Variants in PRAMEF5 observed in about 807,000 individuals in gnomAD.
PRAMEF5 encodes the protein PRAME family member 23.
A neutral mutation model predicts 16.4 loss-of-function variants in PRAMEF5; 5 were observed. The observed-to-expected ratio is 0.30, with a 90% CI of 0.16 to 0.64. The LOEUF (loss-of-function observed/expected upper bound fraction) is 0.64, where lower values mean the gene tolerates loss of function less well. Ranked by LOEUF, PRAMEF5 falls within the 30% of genes least tolerant of loss-of-function variation. The pLI is 0.80. For missense variants in PRAMEF5, 36 were observed against 282.9 expected, an observed-to-expected ratio of 0.13 and a Z score of 6.26; for synonymous variants, 19 against 107.3, an observed-to-expected ratio of 0.18 and a Z score of 5.09.
At chr1:13,263,428 A>T (rs1394918286), downstream of PRAMEF5, 44 of 500,584 alleles carry the variant, frequency 8.8e-5, no homozygotes, top group Middle Eastern at 5.4e-4. Context: ...AAATAAAGGA[A>T]AACTGAGTGG....
chr1:13,263,108 T>C (rs1447119925), exon 4 of PRAMEF5: 1 of 1,111,846 alleles, frequency 9.0e-7, no homozygotes, highest in East Asian at 3.1e-5. Context: ...AATGCTGCTG[T>C]TGAATGCCTG....
chr1:13,263,335 T>C (rs1639425301), downstream of PRAMEF5: 2 of 605,984 alleles, frequency 3.3e-6, no homozygotes, highest in Admixed American at 3.0e-5. Flanking sequence ...GAGTGGAAAA[T>C]GGGAATTTGA....
At chr1:13,263,380 A>T (rs1297195055), downstream of PRAMEF5, 1 of 635,808 alleles carries the variant, frequency 1.6e-6, no homozygotes, top group Non-Finnish European at 2.7e-6. Context: ...TACTTGAGGG[A>T]GTTACTCTTG....
In PRAMEF5 at chr1:13,259,976, G is replaced by A. The variant is rs1639367639; in HGVS notation, c.288-246G>A. 96 of 528,242 alleles carry A rather than the reference G, an allele frequency of 1.8e-4. No individual in the cohort carries two copies. In the South Asian group the frequency reaches 1.9e-3, roughly 10 times the overall value. The allele number at this position is 528,242 out of a possible 1,614,324, so 32.7% of individuals were successfully genotyped here. On this transcript the variant is annotated intron_variant, in intron 2 of 3. Coordinates refer to ENST00000622421, the Ensembl canonical transcript of PRAMEF5. ...AGGCAGGAGAATCATTTGAACCCGG[G>A]AAGCAGAGGTTGCAGTGAGGTGACA...
At chr1:13,262,327 G>C (rs1553173212) in intron 3 of PRAMEF5, 2 of 221,824 alleles carry the variant, frequency 9.0e-6, no homozygotes, top group African/African-American at 7.1e-5. Context: ...CTCCCAAAGT[G>C]CTGGGATTAC....
rs1290920212 is a variant in PRAMEF5 at position 13,255,972 on chromosome 1, G to T, written c.-23+1697G>T. 2.1e-5 allele frequency: 3 copies of T among 145,634 alleles called. No individual in the cohort carries two copies. The Admixed American group carries it at 2.1e-4, about 10-fold the overall frequency. The allele number at this position is 145,634 out of a possible 1,614,324, so 9.0% of individuals were successfully genotyped here. ...AATTTTTGTAATTTTAGTAGAGGTA[G>T]GGTTTTACCATGTTGGCCAGGCTTG... On this transcript the variant is annotated intron_variant, in intron 1 of 3. Coordinates refer to ENST00000622421, the Ensembl canonical transcript of PRAMEF5.
intron 1 of PRAMEF5, chr1:13,255,987 G>A (rs1032406707): frequency 6.9e-6 from 1 of 143,932 alleles, no homozygotes; most frequent in Non-Finnish European, 1.6e-5. Flanking sequence ...TTACCATGTT[G>A]GCCAGGCTTG....
chr1:13,260,024 G>C, intron 2 of PRAMEF5, 198 bp from the exon 3 acceptor site: 2 of 809,602 alleles, frequency 2.5e-6, no homozygotes, highest in Non-Finnish European at 3.8e-6. Flanking sequence ...ACTCCAGCCT[G>C]GGCGACAGAG....
rs1433177695 is a variant in PRAMEF5, at chr1:13,260,220, AG to A, written c.288del. ...CTCATTCTCACCTCTATTTTCCCAC[AG>A]GAGGTGGAAACTTCAAGTGCTGGAT... On this transcript the variant is annotated splice_acceptor_variant, in intron 2 of 3. Transcript: ENST00000622421. LOFTEE classifies it high-confidence loss of function. 6.3e-7 allele frequency: 1 copy of A among 1,579,670 alleles called. No individual in the cohort carries two copies. Among genetic ancestry groups the A allele is most frequent in the Admixed American group, 1.7e-5 (1 of 59,318 alleles).
exon 3 of PRAMEF5, chr1:13,260,430 T>C: frequency 7.4e-7 from 1 of 1,347,280 alleles, no homozygotes; most frequent in Non-Finnish European, 1.0e-6. Context: ...ATACCTCACC[T>C]GCCTCCTTCT....
At chr1:13,260,109 AAGTC>A in intron 2 of PRAMEF5, 109 bp from the exon 3 acceptor site, 1 of 1,532,872 alleles carries the variant, frequency 6.5e-7, no homozygotes, top group Non-Finnish European at 8.9e-7. Context: ...GGGTGAAGAA[AAGTC>A]AGAGAGAGGG....
Position 13,262,359 on chromosome 1 carries a change from G to A in PRAMEF5, c.870-191G>A. On this transcript the variant is annotated intron_variant, in intron 3 of 3. Transcript: ENST00000622421. ...TTACAGGTGTGAGTTACTGGGCCGG[G>A]CCTAAAGTGGAATTGACCTCGGTGG... 4 of 288,822 alleles carry A rather than the reference G, an allele frequency of 1.4e-5. 2 individuals are homozygous for A. The highest frequency in any genetic ancestry group is 2.5e-5 in the Non-Finnish European group (4 of 162,766). 17.9% of individuals were successfully genotyped at this position (288,822 alleles called of 1,614,324 possible).
intron 3 of PRAMEF5, 117 bp from the exon 4 acceptor site, chr1:13,262,433 A>C (rs1639404127): frequency 2.1e-6 from 1 of 478,958 alleles, no homozygotes; most frequent in Non-Finnish European, 3.0e-6. Context: ...TCAGGCCATC[A>C]GAATGACCCT....
At chr1:13,263,433 G>T (rs1341846276), downstream of PRAMEF5, 1 of 487,780 alleles carries the variant, frequency 2.1e-6, no homozygotes, top group East Asian at 4.9e-5. Flanking sequence ...AAGGAAAACT[G>T]AGTGGTAACT....
Position 13,262,546 on chromosome 1 carries a change from C to A in PRAMEF5, c.870-4C>A, listed in dbSNP as rs1553173177. ...AGAATTAACTTCTTGCTCTCTCTCC[C>A]CAGCTGTCTGAAGACCTCGTTAAAG... is the stretch of plus-strand genomic sequence containing the variant. On this transcript the variant is annotated splice_polypyrimidine_tract_variant and splice_region_variant and intron_variant, in intron 3 of 3. Coordinates refer to ENST00000622421, the Ensembl canonical transcript of PRAMEF5. 42 of 260,850 alleles carry A rather than the reference C, an allele frequency of 1.6e-4. 2 individuals carry two copies. The highest frequency in any genetic ancestry group is 1.2e-3 in the African/African-American group (14 of 11,798). 16.2% of individuals were successfully genotyped at this position (260,850 alleles called of 1,614,324 possible). A position where few individuals can be genotyped will look rare whatever the true frequency, so the allele number is the denominator to read the frequency against.
exon 3 of PRAMEF5, chr1:13,260,262 G>C (rs1387003972): frequency 1.3e-6 from 2 of 1,588,222 alleles, no homozygotes; most frequent in African/African-American, 2.7e-5. Context: ...GGATGTCTGT[G>C]AGAACTTCTG....
chr1:13,262,057 T>C (rs952050870), intron 3 of PRAMEF5: 3 of 167,936 alleles, frequency 1.8e-5, no homozygotes, highest in African/African-American at 5.3e-5. Flanking sequence ...CAAATGGAAT[T>C]ATTTTTTTCT....
intron 3 of PRAMEF5, chr1:13,262,051 T>C (rs1378788566): frequency 6.1e-6 from 1 of 163,392 alleles, no homozygotes; most frequent in Admixed American, 6.1e-5. Flanking sequence ...CAGCCTCAAA[T>C]GGAATTATTT....
chr1:13,261,753 T>C (rs2100218593), intron 3 of PRAMEF5: 1 of 11,984 alleles, frequency 8.3e-5, no homozygotes, highest in Admixed American at 9.5e-4. Context: ...TCCAGGTAAA[T>C]TAATTACCTA....
Sources: gnomAD v4.1 joint callset for allele counts on GRCh38, gnomAD v4.1.1 for gene constraint, MANE v1.5 for transcripts, NCBI Gene and HGNC (gene_info 2026-07-23, HGNC 2026-07-21) for gene names.